CEP162: variants seen among roughly 807,000 people sequenced by gnomAD.
CEP162 encodes the protein centrosomal protein 162.
In CEP162, 141 loss-of-function variants were observed where a neutral mutation model predicts 169.2. The ratio of observed to expected loss-of-function variants is 0.83; its 90% CI spans 0.73 to 0.96. The LOEUF is 0.96. CEP162 is among the 40% of genes least tolerant of loss of function. The probability of loss-of-function intolerance (pLI) is 0.00; values close to 1 mark genes in which losing one functional copy is unlikely to be tolerated. For synonymous variants in CEP162, 540 were observed against 526.4 expected (o/e 1.03, Z -0.35); for missense variants, 1,600 against 1,587.2 (o/e 1.01, Z -0.14).
intron 5 of CEP162, among the ~76,000 whole-genome samples, chr6:84,214,987 G>A (rs143347749): frequency 7.9e-4 from 120 of 152,028 alleles, no homozygotes; most frequent in African/African-American, 2.8e-3. Context: ...TTATTTGTCT[G>A]TGGAAAATGA....
Position 84,152,630 on chromosome 6 carries a change from C to A in CEP162, c.3544G>T (p.Glu1182Ter), listed in dbSNP as rs368672446. 6.3e-7 allele frequency: 1 copy of A among 1,586,950 alleles called. No individual in the cohort carries two copies. Among genetic ancestry groups the A allele is most frequent in the Non-Finnish European group, 8.6e-7 (1 of 1,165,446 alleles). ...TTCTCTGAAATTAATCCTTCTAGCT[C>A]ATTTTTTAATCTGTAGTTTTCTTGT... ...VLQENYRLKN[E>*]LEGLISEKNE... The change falls in exon 23 of 27, where the codon GAG (glutamate) becomes TAG (stop). Residue 1182 changes from glutamate to a stop codon, truncating the protein, a stop_gained. Transcript: ENST00000403245. LOFTEE classifies it high-confidence loss of function.
chr6:84,146,713 C>T lies in CEP162; in HGVS notation c.3844G>A (p.Val1282Ile). The T allele has an allele frequency of 6.4e-7, 1 of 1,574,062 alleles. No individual in the cohort carries two copies. Among genetic ancestry groups the T allele is most frequent in the Non-Finnish European group, 8.6e-7 (1 of 1,159,290 alleles). Residue 1282 changes from valine (V) to isoleucine (I), a missense_variant, in exon 25 of 27, where the codon GTT becomes ATT. Val to Ile is a conservative substitution (Grantham distance 29, BLOSUM62 3). Transcript: ENST00000403245. The part of the protein sequence containing the change: ...SKQESLVVSE[V>I]REEILQKEIT... ...TCTTTCTGTAGAATTTCTTCTCGAA[C>T]TTCAGAAACTACGAGAGACTCTTGT...
In CEP162 at chr6:84,201,054, A is replaced by C. The variant is rs577064251; in HGVS notation, c.719-149T>G. On this transcript the variant is annotated intron_variant, in intron 8 of 26. Coordinates refer to ENST00000403245, the MANE Select transcript of CEP162 (RefSeq NM_014895.4). ...AGCACTTTGGGAGGCCAAGGCGGGC[A>C]GATCACGAGGTCAGGAGATCGAGAC... is the stretch of plus-strand genomic sequence containing the variant. 6.0e-5 allele frequency: 24 copies of C among 402,800 alleles called. 1 individual carries two copies. The East Asian group carries it at 8.7e-4, about 15-fold the overall frequency. 25.0% of individuals were successfully genotyped at this position (402,800 alleles called of 1,614,324 possible).
chr6:84,133,281 G>A (rs1009579695), intron 25 of CEP162, among the ~76,000 whole-genome samples: 5 of 152,208 alleles, frequency 3.3e-5, no homozygotes, highest in African/African-American at 1.2e-4. Context: ...ATTGGGAGGT[G>A]TCTCCCAGTT....
intron 13 of CEP162, among the ~76,000 whole-genome samples, chr6:84,181,198 C>T (rs2099534676): frequency 6.6e-6 from 1 of 152,124 alleles, no homozygotes; most frequent in Non-Finnish European, 1.5e-5. Flanking sequence ...AATAATACCA[C>T]ACATTTACAA....
intron 13 of CEP162, among the ~76,000 whole-genome samples, chr6:84,182,540 T>TA (rs1411510688): frequency 6.6e-6 from 1 of 152,114 alleles, no homozygotes; most frequent in Non-Finnish European, 1.5e-5. Context: ...TACATAAACG[T>TA]ACTCAACCCC....
Position 84,163,175 on chromosome 6 carries a change from G to A in CEP162, c.2481C>T (p.Asp827=). The change falls in exon 19 of 27, where the codon GAC becomes GAT. Residue 827 remains aspartate (D), a synonymous_variant. Coordinates refer to ENST00000403245, the MANE Select transcript of CEP162 (RefSeq NM_014895.4). ...CATAAGCAATCTGATCTTTGGCTTG[G>A]TCCCTCTCTTTCTTCATTTTTTCGA... ...VDFEKMKKER[D]QAKDQIAYVT... is the part of the protein sequence containing the mutation. The A allele has an allele frequency of 6.2e-7, 1 of 1,613,236 alleles. No individual in the cohort carries two copies. Among genetic ancestry groups the A allele is most frequent in the Non-Finnish European group, 8.5e-7 (1 of 1,179,540 alleles).
At chr6:84,125,611 G>A (rs889376442) in intron 26 of CEP162, among the ~76,000 whole-genome samples, 2 of 152,074 alleles carry the variant, frequency 1.3e-5, no homozygotes, top group Admixed American at 6.6e-5. Context: ...TAGAGACACC[G>A]AAGAGATCAT....
At chr6:84,217,185 A>T (rs551853239) in intron 3 of CEP162, among the ~76,000 whole-genome samples, 1 of 152,222 alleles carries the variant, frequency 6.6e-6, no homozygotes, top group African/African-American at 2.4e-5. Flanking sequence ...ATAAAAAAAA[A>T]CAAAAATCCC....
At chr6:84,175,878 TAA>T (rs1246631974) in intron 13 of CEP162, among the ~76,000 whole-genome samples, 2 of 152,098 alleles carry the variant, frequency 1.3e-5, no homozygotes, top group East Asian at 3.8e-4. Flanking sequence ...AATCAGATTT[TAA>T]AAGATTAACT....
At chr6:84,130,990 T>C (rs1473462123) in intron 25 of CEP162, among the ~76,000 whole-genome samples, 2 of 152,228 alleles carry the variant, frequency 1.3e-5, no homozygotes, top group Admixed American at 1.3e-4. Flanking sequence ...CTTGTGGGCA[T>C]TTAGTGCTAT....
intron 18 of CEP162, among the ~76,000 whole-genome samples, chr6:84,168,051 T>C (rs1319265602): frequency 1.3e-5 from 2 of 152,108 alleles, no homozygotes; most frequent in Non-Finnish European, 2.9e-5. Flanking sequence ...ATATTTTTTT[T>C]CCCAGTATCT....
At chr6:84,130,880 T>C (rs1353287588) in intron 25 of CEP162, among the ~76,000 whole-genome samples, 1 of 152,192 alleles carries the variant, frequency 6.6e-6, no homozygotes, top group Non-Finnish European at 1.5e-5. Context: ...ATCTTAGTTA[T>C]TTCTTGTCTT....
chr6:84,224,028 A>G (rs539110857), intron 2 of CEP162, among the ~76,000 whole-genome samples: 3 of 152,316 alleles, frequency 2.0e-5, no homozygotes, highest in Admixed American at 6.5e-5. Context: ...CAGCAATTTC[A>G]CTCTTTGGCA....
In CEP162 at chr6:84,162,559, T is replaced by G. The variant is rs542479045; in HGVS notation, c.2512+585A>C. Reference sequence around the variant, plus strand: ...TTCTGCCACTCTAAGTTATAGAACATACTTCTGCAGCCTCTCTCCATCCCT... The same window carrying G: ...TTCTGCCACTCTAAGTTATAGAACAGACTTCTGCAGCCTCTCTCCATCCCT... On this transcript the variant is annotated intron_variant, in intron 19 of 26. Coordinates refer to ENST00000403245, the MANE Select transcript of CEP162 (RefSeq NM_014895.4). Among the ~76,000 whole-genome samples, 9 of 152,292 alleles carry G rather than the reference T, an allele frequency of 5.9e-5. No individual in the cohort carries two copies. The East Asian group carries it at 1.7e-3, about 29-fold the overall frequency.
At chr6:84,176,894 AT>A (rs530022516) in intron 13 of CEP162, among the ~76,000 whole-genome samples, 144 of 146,650 alleles carry the variant, frequency 9.8e-4, no homozygotes, top group Middle Eastern at 3.5e-3. Flanking sequence ...ATTTATTTTA[AT>A]TTTTTTTTTT....
intron 13 of CEP162, among the ~76,000 whole-genome samples, chr6:84,181,097 C>T (rs1308281450): frequency 1.3e-5 from 2 of 152,202 alleles, no homozygotes; most frequent in Non-Finnish European, 2.9e-5. Context: ...TACCTGACTT[C>T]AAACTATACT....
chr6:84,168,620 T>C (rs899696935), intron 18 of CEP162, among the ~76,000 whole-genome samples: 4 of 152,146 alleles, frequency 2.6e-5, no homozygotes, highest in Admixed American at 2.6e-4. Context: ...TTAAAATGAC[T>C]GGTGGGTGCT....
Position 84,215,861 on chromosome 6 carries a change from T to C in CEP162, c.234A>G (p.Glu78=). The C allele has an allele frequency of 6.3e-7, 1 of 1,583,212 alleles. No homozygotes were observed. Among genetic ancestry groups the C allele is most frequent in the Non-Finnish European group, 8.6e-7 (1 of 1,162,794 alleles). Residue 78 remains glutamate (E), a synonymous_variant, in exon 4 of 27, where the codon GAA becomes GAG. Coordinates refer to ENST00000403245, the MANE Select transcript of CEP162 (RefSeq NM_014895.4). ...TCTTTTCAGCAGACTCCTCTTCTAT[T>C]TCCATAACAGGCTGAGAAGTCTTCT... ...KTKKTSQPVM[E]IEEESAEKIQ...
Sources: allele counts gnomAD v4.1 joint callset (sites outside exome capture counted in the v4.1 genomes callset), GRCh38; gene constraint gnomAD v4.1.1; transcripts MANE v1.5; gene names NCBI Gene and HGNC (gene_info 2026-07-23, HGNC 2026-07-21).